Variants in GAPVD1 observed in about 807,000 individuals in gnomAD.
GAPVD1 encodes the protein GTPase-activating protein and VPS9 domain-containing protein 1.
Under a neutral mutation model 155.5 loss-of-function variants are expected in GAPVD1, and 35 were observed. The observed-to-expected ratio is 0.23, with a 90% CI of 0.17 to 0.30. GAPVD1 has a LOEUF of 0.30. Among genes scored for constraint, GAPVD1 ranks in the 10% least tolerant of loss-of-function variants. The pLI, the probability that GAPVD1 is intolerant of heterozygous loss-of-function variation, is 1.00. For missense variants in GAPVD1, 1,429 were observed against 1,775.7 expected (o/e 0.80, Z 3.51); for synonymous variants, 636 against 619.7 (o/e 1.03, Z -0.39).
chr9:125,263,881 AC>A (rs1201700943), intron 1 of GAPVD1: 5 of 1,414,354 alleles, frequency 3.5e-6, no homozygotes, highest in Non-Finnish European at 5.0e-6. Context: ...GATACTGGAT[AC>A]CCTCATTGGT....
chr9:125,307,633 A>G (rs1564354537), intron 7 of GAPVD1, 58 bp from the exon 8 acceptor site: 3 of 1,567,986 alleles, frequency 1.9e-6, no homozygotes, highest in African/African-American at 2.7e-5. Flanking sequence ...TTGTGTGGGA[A>G]ATACATATTG....
At position 125,298,876 on chromosome 9, in the gene GAPVD1, C is replaced by T. The variant is rs755886418; in HGVS notation, c.-32-14C>T. ...ACATACATAAACTTTAAATCTTTAT[C>T]TTTTTACTCTTAGTGATCAGCCTTT... is the stretch of plus-strand genomic sequence containing the variant. On this transcript the variant is annotated splice_polypyrimidine_tract_variant and intron_variant, in intron 3 of 27. Coordinates refer to ENST00000297933, the MANE Select transcript of GAPVD1 (RefSeq NM_001282680.3). 2.6e-6 allele frequency: 3 copies of T among 1,154,166 alleles called. No homozygotes were observed. In the South Asian group the frequency reaches 4.4e-5, roughly 17 times the overall value. The allele number at this position is 1,154,166 out of a possible 1,614,324, so 71.5% of individuals were successfully genotyped here. A position where few individuals can be genotyped will look rare whatever the true frequency, so the allele number is the denominator to read the frequency against.
intron 1 of GAPVD1, chr9:125,263,669 C>T (rs911604701): frequency 6.8e-5 from 64 of 941,424 alleles, no homozygotes; most frequent in African/African-American, 5.0e-4. Flanking sequence ...GCTTTCTTGT[C>T]GGCACTAAGT....
chr9:125,356,328 T>C (rs138544812), intron 25 of GAPVD1, among the ~76,000 whole-genome samples: 6 of 152,258 alleles, frequency 3.9e-5, no homozygotes, highest in African/African-American at 1.4e-4. Flanking sequence ...GGGGCCAGAT[T>C]GTTGATGATG....
intron 1 of GAPVD1, among the ~76,000 whole-genome samples, chr9:125,264,474 T>C (rs913780046): frequency 6.6e-6 from 1 of 152,138 alleles, no homozygotes; most frequent in Non-Finnish European, 1.5e-5. Context: ...GGATTACTGA[T>C]GTGAGCCACC....
intron 17 of GAPVD1, among the ~76,000 whole-genome samples, chr9:125,339,075 AG>A (rs751728930): frequency 2.3e-4 from 35 of 151,986 alleles, no homozygotes; most frequent in Non-Finnish European, 4.6e-4. Flanking sequence ...TTAACCTCCC[AG>A]GCTCAGGCAA....
At chr9:125,328,875 C>T (rs1845630870) in intron 12 of GAPVD1, among the ~76,000 whole-genome samples, 2 of 152,134 alleles carry the variant, frequency 1.3e-5, no homozygotes, top group African/African-American at 4.8e-5. Context: ...GCTGGCCGGG[C>T]AGGGGGGCTC....
At chr9:125,320,836 C>T (rs950343624) in intron 9 of GAPVD1, among the ~76,000 whole-genome samples, 8 of 152,068 alleles carry the variant, frequency 5.3e-5, no homozygotes, top group Non-Finnish European at 1.2e-4. Flanking sequence ...CCATGTTAGC[C>T]AGCATGGTCT....
rs555625431 is a variant in GAPVD1, at chr9:125,299,146, C to A, written c.185+40C>A. The A allele has an allele frequency of 6.2e-5, 67 of 1,075,564 alleles. No homozygotes were observed. In the South Asian group the frequency reaches 1.0e-3, roughly 17 times the overall value. 66.6% of individuals were successfully genotyped at this position (1,075,564 alleles called of 1,614,324 possible). On this transcript the variant is annotated intron_variant, in intron 4 of 27. Transcript: ENST00000297933. ...TTCAGGTTTTAAGTTTTGTGAACCA[C>A]TATGATTCTGTAAATAAATTAGTAA...
At chr9:125,288,173 G>A (rs1366566772) in intron 2 of GAPVD1, among the ~76,000 whole-genome samples, 3 of 149,822 alleles carry the variant, frequency 2.0e-5, no homozygotes, top group African/African-American at 7.4e-5. Flanking sequence ...GTGCAGTGGC[G>A]CGATCTCGGC....
intron 15 of GAPVD1, 82 bp from the exon 16 acceptor site, chr9:125,336,936 G>A: frequency 1.3e-6 from 1 of 761,220 alleles, no homozygotes. Flanking sequence ...AACCGTCAAA[G>A]AATACTTAAA....
chr9:125,323,981 T>C, intron 11 of GAPVD1, 58 bp downstream of exon 11: 4 of 1,503,082 alleles, frequency 2.7e-6, no homozygotes, highest in Non-Finnish European at 3.7e-6. Flanking sequence ...GATTGCAAGA[T>C]GAGCAGTGTG....
chr9:125,284,657 G>T (rs1465640487), intron 2 of GAPVD1, among the ~76,000 whole-genome samples: 1 of 151,976 alleles, frequency 6.6e-6, no homozygotes, highest in Non-Finnish European at 1.5e-5. Context: ...TAATGAGAGG[G>T]ATACATTCTG....
intron 26 of GAPVD1, 121 bp from the exon 27 acceptor site, chr9:125,360,407 T>A: frequency 4.4e-6 from 3 of 689,486 alleles, no homozygotes; most frequent in Non-Finnish European, 7.7e-6. Flanking sequence ...AATATGGTTT[T>A]ACCAAAGAGA....
At chr9:125,264,955 G>A (rs1833608964) in intron 1 of GAPVD1, among the ~76,000 whole-genome samples, 1 of 152,114 alleles carries the variant, frequency 6.6e-6, no homozygotes, top group South Asian at 2.1e-4. Context: ...CTGACCTTAA[G>A]TGATCTGCCC....
intron 11 of GAPVD1, among the ~76,000 whole-genome samples, chr9:125,324,907 A>T (rs1588951764): frequency 6.6e-6 from 1 of 152,022 alleles, no homozygotes; most frequent in Non-Finnish European, 1.5e-5. Context: ...AAGTTGAAAG[A>T]GTTTTTTGGA....
chr9:125,330,311 A>C, intron 13 of GAPVD1, 93 bp downstream of exon 13: 1 of 836,392 alleles, frequency 1.2e-6, no homozygotes, highest in East Asian at 3.0e-5. Context: ...TATTTTGTCA[A>C]ATACACTTTT....
At chr9:125,357,986 A>ACAC (rs1554790825) in intron 25 of GAPVD1, among the ~76,000 whole-genome samples, 2 of 150,462 alleles carry the variant, frequency 1.3e-5, no homozygotes, top group African/African-American at 4.9e-5. Context: ...AAAAAAAAAA[A>ACAC]ACACACACAC....
Position 125,341,203 on chromosome 9 carries a change from T to C in GAPVD1, c.2904T>C (p.Asp968=), listed in dbSNP as rs1415579238. The stretch of plus-strand genomic sequence containing the variant: ...CTGAAGAACGCAAAGATAGCGATGA[T>C]GAGAAATCAGACAGGAACAGACCTT... ...GETEERKDSD[D]EKSDRNRPWW... is the part of the protein sequence containing the mutation. The change falls in exon 18 of 28, where the codon GAT becomes GAC. Residue 968 remains aspartate (D), a synonymous_variant. Transcript: ENST00000297933. The C allele has an allele frequency of 7.5e-6, 12 of 1,605,124 alleles. No individual in the cohort carries two copies. Among genetic ancestry groups the C allele is most frequent in the African/African-American group, 1.3e-5 (1 of 74,888 alleles).
Sources: allele counts gnomAD v4.1 joint callset (sites outside exome capture counted in the v4.1 genomes callset), GRCh38; gene constraint gnomAD v4.1.1; transcripts MANE v1.5; gene names NCBI Gene and HGNC (gene_info 2026-07-23, HGNC 2026-07-21).